Variants in PABPC4L observed in about 807,000 individuals in gnomAD.
The protein encoded by PABPC4L is poly(A) binding protein cytoplasmic 4 like.
For synonymous variants in PABPC4L, 169 were observed against 164.1 expected (o/e 1.03, Z -0.23); for missense variants, 452 against 451.4 (o/e 1.00, Z -0.01).
chr4:133,967,849 T>G, the PABPC4L span, among the ~76,000 whole-genome samples: 1 of 152,146 alleles, frequency 6.6e-6, no homozygotes, highest in Admixed American at 6.5e-5. Context: ...CCAAGCAACT[T>G]TAAAGGCAAG....
chr4:133,989,176 A>T, the PABPC4L span, among the ~76,000 whole-genome samples: 3 of 152,074 alleles, frequency 2.0e-5, no homozygotes, highest in Non-Finnish European at 4.4e-5. Context: ...ATATGTCCTG[A>T]AGACATTTTT....
At chr4:133,996,686 G>A in the PABPC4L span, among the ~76,000 whole-genome samples, 3 of 152,164 alleles carry the variant, frequency 2.0e-5, no homozygotes, top group East Asian at 3.9e-4. Context: ...TGGCTGAGGG[G>A]TGGATGAAAG....
At chr4:133,953,343 TTCTG>T in the PABPC4L span, among the ~76,000 whole-genome samples, 2 of 152,170 alleles carry the variant, frequency 1.3e-5, no homozygotes, top group Admixed American at 1.3e-4. Flanking sequence ...TGCCTTTTGT[TTCTG>T]TCTATCTTCC....
the PABPC4L span, among the ~76,000 whole-genome samples, chr4:134,088,464 A>G: frequency 6.6e-6 from 1 of 152,088 alleles, no homozygotes; most frequent in African/African-American, 2.4e-5. Context: ...TTGTTCTCTT[A>G]ATATCATTGC....
the PABPC4L span, among the ~76,000 whole-genome samples, chr4:133,969,152 T>A: frequency 6.6e-6 from 1 of 152,170 alleles, no homozygotes; most frequent in Non-Finnish European, 1.5e-5. Context: ...TCATACATAT[T>A]TCCTTCTCAC....
the PABPC4L span, among the ~76,000 whole-genome samples, chr4:134,118,315 T>A: frequency 1.6e-4 from 24 of 151,858 alleles, 1 homozygote. Context: ...AAAATCATGG[T>A]TCAATTCACA....
chr4:133,987,050 T>C, the PABPC4L span, among the ~76,000 whole-genome samples: 1 of 152,112 alleles, frequency 6.6e-6, no homozygotes, highest in Admixed American at 6.6e-5. Flanking sequence ...CTTTCAATTG[T>C]TGATAATGTT....
chr4:134,017,500 T>G, the PABPC4L span, among the ~76,000 whole-genome samples: 1 of 152,136 alleles, frequency 6.6e-6, no homozygotes, highest in Non-Finnish European at 1.5e-5. Flanking sequence ...CGGTTTACAC[T>G]GTTTCTCCAA....
At chr4:133,956,344 G>C in the PABPC4L span, among the ~76,000 whole-genome samples, 1 of 152,164 alleles carries the variant, frequency 6.6e-6, no homozygotes, top group African/African-American at 2.4e-5. Flanking sequence ...TAGGGAAGGA[G>C]ATGCATTGAA....
At chr4:134,074,226 T>A in the PABPC4L span, among the ~76,000 whole-genome samples, 1 of 152,158 alleles carries the variant, frequency 6.6e-6, no homozygotes. Flanking sequence ...TCTCTCTCAA[T>A]TTCAAAGTTC....
rs1438451266 is a variant in PABPC4L at position 134,199,505 on chromosome 4, T to C, written c.*402A>G. On this transcript the variant is annotated 3_prime_UTR_variant, in exon 2 of 2. Transcript: ENST00000421491. ...TGTTGGTAAAAATACTTTGGAATCT[T>C]TAGTTGTAAGAACTATTTTGAGCAT... 7.8e-5 allele frequency: 12 copies of C among 153,894 alleles called. No homozygotes were observed. The East Asian group carries it at 2.3e-3, about 29-fold the overall frequency. The allele number at this position is 153,894 out of a possible 1,614,324, so 9.5% of individuals were successfully genotyped here. A position where few individuals can be genotyped will look rare whatever the true frequency, so the allele number is the denominator to read the frequency against.
the PABPC4L span, among the ~76,000 whole-genome samples, chr4:134,175,533 C>T: frequency 1.3e-5 from 2 of 152,086 alleles, no homozygotes; most frequent in South Asian, 4.1e-4. Context: ...ACTGCAACCT[C>T]CGCCTCCTGA....
At chr4:134,082,546 G>GT in the PABPC4L span, among the ~76,000 whole-genome samples, 5 of 151,994 alleles carry the variant, frequency 3.3e-5, no homozygotes, top group African/African-American at 9.7e-5. Flanking sequence ...ATTTTTTAAT[G>GT]TTTTTAAAAT....
At chr4:134,178,365 C>CAAAAAAAAAAAAAAAAAAAAAAAAAAA in the PABPC4L span, among the ~76,000 whole-genome samples, 2 of 104,062 alleles carry the variant, frequency 1.9e-5, no homozygotes, top group Non-Finnish European at 2.0e-5. Flanking sequence ...AAGAAAAAAG[C>CAAAAAAAAAAAAAAAAAAAAAAAAAAA]AAAAAAAAAA....
the PABPC4L span, among the ~76,000 whole-genome samples, chr4:134,079,434 C>G: frequency 3.8e-3 from 569 of 150,694 alleles, 2 homozygotes; most frequent in African/African-American, 0.013. Context: ...AATAAATTAG[C>G]CAGGCGTGGT....
At chr4:134,131,086 T>A in the PABPC4L span, among the ~76,000 whole-genome samples, 3 of 152,004 alleles carry the variant, frequency 2.0e-5, no homozygotes, top group African/African-American at 7.2e-5. Flanking sequence ...GCCAACATTA[T>A]GTAGAATAGG....
At chr4:133,991,836 T>C in the PABPC4L span, among the ~76,000 whole-genome samples, 1 of 152,174 alleles carries the variant, frequency 6.6e-6, no homozygotes, top group Non-Finnish European at 1.5e-5. Context: ...TAATTAGTGA[T>C]ACATGAGGCA....
At chr4:133,971,973 T>A in the PABPC4L span, among the ~76,000 whole-genome samples, 1 of 152,204 alleles carries the variant, frequency 6.6e-6, no homozygotes, top group Non-Finnish European at 1.5e-5. Flanking sequence ...TTGAATTTAA[T>A]GTTTCTTGGA....
chr4:133,971,407 G>A, the PABPC4L span, among the ~76,000 whole-genome samples: 5 of 151,930 alleles, frequency 3.3e-5, no homozygotes, highest in East Asian at 5.8e-4. Context: ...CACCGCGCCC[G>A]GCCTTAAATT....
Sources: allele counts gnomAD v4.1 joint callset (sites outside exome capture counted in the v4.1 genomes callset), GRCh38; gene constraint gnomAD v4.1.1; transcripts MANE v1.5; gene names NCBI Gene and HGNC (gene_info 2026-07-23, HGNC 2026-07-21).